The following MYT1L variants were observed in gnomAD, a reference collection of about 807,000 sequenced individuals.
MYT1L encodes myelin transcription factor 1-like protein.
A neutral mutation model predicts 126.7 loss-of-function variants in MYT1L; 12 were observed. The ratio of observed to expected loss-of-function variants is 0.09; its 90% confidence interval spans 0.06 to 0.15. MYT1L has a LOEUF of 0.15. MYT1L is among the 10% of genes least tolerant of loss of function. The pLI is 1.00. For missense variants in MYT1L, 979 were observed against 1,585.2 expected, an observed-to-expected ratio of 0.62 and a Z score of 6.49; for synonymous variants, 541 against 604.2, an observed-to-expected ratio of 0.90 and a Z score of 1.53.
At position 2,078,977 on chromosome 2, in the gene MYT1L, G is replaced by A. The variant is rs565722442; in HGVS notation, c.-303-24854C>T. ...GTCATGAGGGTGGAGCCCATATAGA[G>A]TAGCCTCAGAAAGCTTCCCTGGCCC... On this transcript the variant is annotated intron_variant, in intron 3 of 24. Transcript: ENST00000647738. Among the ~76,000 whole-genome samples the A allele has an allele frequency of 5.3e-5, 8 of 152,270 alleles. No individual in the cohort carries two copies. In the South Asian group the frequency reaches 1.7e-3, roughly 32 times the overall value.
rs771148753 is a variant in MYT1L, at chr2:2,281,245, C to T, written c.-421+3159G>A. ...GCCTTTCTTCAGCTTTGCCTTCTGC[C>T]GTGATTGCAAGTTTCCTGAGACCTC... On this transcript the variant is annotated intron_variant, in intron 2 of 24. Coordinates refer to ENST00000647738, the MANE Select transcript of MYT1L (RefSeq NM_001303052.2). Among the ~76,000 whole-genome samples, 11 of 152,272 alleles carry T rather than the reference C, an allele frequency of 7.2e-5. No homozygotes were observed. In the East Asian group the frequency reaches 7.7e-4, roughly 11 times the overall value.
At chr2:2,188,471 GCAGTGCT>G (rs2092362366) in intron 2 of MYT1L, among the ~76,000 whole-genome samples, 1 of 152,202 alleles carries the variant, frequency 6.6e-6, no homozygotes. Context: ...ACAAGCGTGT[GCAGTGCT>G]TAATGCCAAA....
At chr2:1,938,531 A>G (rs535602587) in intron 9 of MYT1L, among the ~76,000 whole-genome samples, 5 of 152,324 alleles carry the variant, frequency 3.3e-5, no homozygotes, top group South Asian at 4.1e-4. Flanking sequence ...TTAAATATGA[A>G]CTTAATCTGA....
At chr2:1,853,683 AAAG>A (rs2043561384) in intron 18 of MYT1L, among the ~76,000 whole-genome samples, 1 of 152,252 alleles carries the variant, frequency 6.6e-6, no homozygotes, top group Non-Finnish European at 1.5e-5. Flanking sequence ...TTGCTTAAGA[AAAG>A]AAAAAGATTC....
chr2:2,201,976 A>G (rs564154980), intron 2 of MYT1L, among the ~76,000 whole-genome samples: 4 of 152,286 alleles, frequency 2.6e-5, no homozygotes, highest in South Asian at 4.1e-4. Context: ...CTCACTCAAA[A>G]CCACTCAATT....
chr2:1,998,990 C>A (rs780054777), intron 4 of MYT1L, among the ~76,000 whole-genome samples: 1 of 152,194 alleles, frequency 6.6e-6, no homozygotes, highest in Admixed American at 6.5e-5. Flanking sequence ...ACCCAAGCAA[C>A]AAGCAAAATC....
chr2:1,824,773 G>A (rs527904555), intron 21 of MYT1L: 11 of 152,334 alleles, frequency 7.2e-5, no homozygotes, highest in African/African-American at 2.6e-4. Context: ...TATCCCGGCT[G>A]ATGCATAATT....
At chr2:2,313,362 T>C (rs2096007295) in intron 1 of MYT1L, among the ~76,000 whole-genome samples, 1 of 151,752 alleles carries the variant, frequency 6.6e-6, no homozygotes, top group Admixed American at 6.6e-5. Context: ...TGCTCAGAGG[T>C]GGGTATAGCA....
chr2:1,946,446 G>A (rs544124193), intron 8 of MYT1L, among the ~76,000 whole-genome samples: 47 of 152,238 alleles, frequency 3.1e-4, no homozygotes, highest in African/African-American at 1.1e-3. Context: ...CCGCTGCCCA[G>A]GAAGACACAA....
chr2:2,264,289 G>A (rs1035983163), intron 2 of MYT1L, among the ~76,000 whole-genome samples: 6 of 152,070 alleles, frequency 3.9e-5, no homozygotes, highest in South Asian at 2.1e-4. Context: ...ACAGCCCAGC[G>A]TGGAACCCTA....
chr2:1,962,408 C>T (rs945369509), intron 8 of MYT1L, among the ~76,000 whole-genome samples: 2 of 152,136 alleles, frequency 1.3e-5, no homozygotes, highest in East Asian at 3.8e-4. Context: ...AACGATCAAC[C>T]GAGCCTTCAG....
chr2:1,930,830 G>C (rs751324713), intron 9 of MYT1L, among the ~76,000 whole-genome samples: 1 of 152,144 alleles, frequency 6.6e-6, no homozygotes, highest in Non-Finnish European at 1.5e-5. Context: ...ATAGGTAAAC[G>C]CGTGTTGCAG....
intron 2 of MYT1L, among the ~76,000 whole-genome samples, 154 bp downstream of exon 2, chr2:2,284,250 C>T (rs1011008408): frequency 4.6e-5 from 7 of 152,082 alleles, no homozygotes; most frequent in Non-Finnish European, 8.8e-5. Context: ...ACAACTGAAG[C>T]ACGTAAGCAT....
intron 8 of MYT1L, among the ~76,000 whole-genome samples, chr2:1,973,210 C>T (rs2059933463): frequency 6.6e-6 from 1 of 152,126 alleles, no homozygotes; most frequent in Non-Finnish European, 1.5e-5. Context: ...CAATTCATTC[C>T]AAATGTCTTA....
At chr2:2,132,899 T>A (rs1174956000) in intron 3 of MYT1L, among the ~76,000 whole-genome samples, 1 of 152,164 alleles carries the variant, frequency 6.6e-6, no homozygotes, top group East Asian at 1.9e-4. Flanking sequence ...ATTGGGTGTC[T>A]TGGTAAGTCA....
chr2:2,041,375 G>C (rs951768226), intron 4 of MYT1L, among the ~76,000 whole-genome samples: 2 of 152,176 alleles, frequency 1.3e-5, no homozygotes, highest in African/African-American at 4.8e-5. Flanking sequence ...GGAAGCTACT[G>C]GGGGAGAGAG....
chr2:1,864,807 T>C (rs2045239411), intron 18 of MYT1L, among the ~76,000 whole-genome samples: 1 of 152,146 alleles, frequency 6.6e-6, no homozygotes. Context: ...GCCTTCATGC[T>C]CTACAGGTTC....
chr2:2,004,953 TG>T (rs1365759992), intron 4 of MYT1L, among the ~76,000 whole-genome samples: 2 of 151,724 alleles, frequency 1.3e-5, no homozygotes, highest in East Asian at 2.0e-4. Context: ...CGTTCTTTCC[TG>T]CATGCGTTCT....
chr2:2,142,837 C>A lies in MYT1L; in HGVS notation c.-304+30035G>T, dbSNP rs182604873. Among the ~76,000 whole-genome samples the A allele has an allele frequency of 4.6e-3, 696 of 151,928 alleles. 4 individuals are homozygous for A. Among genetic ancestry groups the A allele is most frequent in the African/African-American group, 0.016 (673 of 41,496 alleles). On this transcript the variant is annotated intron_variant, in intron 3 of 24. Coordinates refer to ENST00000647738, the MANE Select transcript of MYT1L (RefSeq NM_001303052.2). Reference sequence around the variant, plus strand: ...AAGTAGCTGGGATTACAGGCACGCACCACCATGCCTGGCTAATGTTTGGAT... The same window carrying A: ...AAGTAGCTGGGATTACAGGCACGCAACACCATGCCTGGCTAATGTTTGGAT...
Sources: allele counts gnomAD v4.1 joint callset (sites outside exome capture counted in the v4.1 genomes callset), GRCh38; gene constraint gnomAD v4.1.1; transcripts MANE v1.5; gene names NCBI Gene and HGNC (gene_info 2026-07-23, HGNC 2026-07-21).